FUBP3: variants seen among roughly 807,000 people sequenced by gnomAD.
FUBP3 encodes the protein far upstream element binding protein 3.
Under a neutral mutation model 85.6 loss-of-function variants are expected in FUBP3, and 28 were observed. That is an observed-to-expected ratio of 0.33 (90% CI 0.24 to 0.45). FUBP3 has a LOEUF of 0.45. Among genes scored for constraint, FUBP3 ranks in the 20% least tolerant of loss-of-function variants. FUBP3 has a pLI of 1.00. For synonymous variants in FUBP3, 271 were observed against 271.4 expected, an observed-to-expected ratio of 1.00 and a Z score of 0.01; for missense variants, 583 against 755.1, an observed-to-expected ratio of 0.77 and a Z score of 2.67.
chr9:130,634,776 C>T lies in FUBP3; in HGVS notation c.1582+38C>T, dbSNP rs761138833. 1.3e-5 allele frequency: 19 copies of T among 1,496,584 alleles called. No homozygotes were observed. In the South Asian group the frequency reaches 1.8e-4, roughly 15 times the overall value. The allele number at this position is 1,496,584 out of a possible 1,614,324, so 92.7% of individuals were successfully genotyped here. A position where few individuals can be genotyped will look rare whatever the true frequency, so the allele number is the denominator to read the frequency against. ...CCCTCCTAACCTGTGGCAGCACAGTCCCCTCCAGCCCAGAGACTTCAGAGT... is the reference window on the plus strand; with the variant it reads ...CCCTCCTAACCTGTGGCAGCACAGTTCCCTCCAGCCCAGAGACTTCAGAGT... On this transcript the variant is annotated intron_variant, in intron 17 of 18. Transcript: ENST00000319725.
At chr9:130,588,187 A>C (rs1212707342) in intron 1 of FUBP3, among the ~76,000 whole-genome samples, 1 of 152,212 alleles carries the variant, frequency 6.6e-6, no homozygotes, top group South Asian at 2.1e-4. Context: ...TAAGAGACAA[A>C]CTTGAGCTTC....
chr9:130,627,209 G>A (rs1351106839), intron 12 of FUBP3, among the ~76,000 whole-genome samples: 4 of 152,170 alleles, frequency 2.6e-5, no homozygotes, highest in African/African-American at 9.7e-5. Flanking sequence ...ACTGAGACCA[G>A]GGCCGAGGCT....
At chr9:130,579,977 G>T (rs970919393) in intron 1 of FUBP3, among the ~76,000 whole-genome samples, 2 of 152,242 alleles carry the variant, frequency 1.3e-5, no homozygotes, top group Non-Finnish European at 2.9e-5. Flanking sequence ...GGTCTCCCAG[G>T]TGCCTGAAGT....
At chr9:130,579,920 G>A (rs753707356) in intron 1 of FUBP3, among the ~76,000 whole-genome samples, 156 bp downstream of exon 1, 1 of 152,188 alleles carries the variant, frequency 6.6e-6, no homozygotes, top group African/African-American at 2.4e-5. Context: ...GGGAGGAGCC[G>A]GGGGGATAAG....
At chr9:130,625,352 A>G (rs1328768364) in intron 11 of FUBP3, among the ~76,000 whole-genome samples, 1 of 152,252 alleles carries the variant, frequency 6.6e-6, no homozygotes, top group African/African-American at 2.4e-5. Flanking sequence ...TGCCTTGTTT[A>G]CTTGGCAGTT....
At chr9:130,614,787 CT>C in intron 6 of FUBP3, among the ~76,000 whole-genome samples, 1 of 152,214 alleles carries the variant, frequency 6.6e-6, no homozygotes, top group East Asian at 1.9e-4. Context: ...TGAATCAACT[CT>C]TCGTGACTTT....
At chr9:130,606,568 C>T (rs573543338) in intron 2 of FUBP3, among the ~76,000 whole-genome samples, 5 of 152,162 alleles carry the variant, frequency 3.3e-5, no homozygotes, top group Non-Finnish European at 5.9e-5. Context: ...CGCCTGTAAT[C>T]CCAGCACTTT....
At chr9:130,628,993 T>C (rs1170637458) in intron 12 of FUBP3, among the ~76,000 whole-genome samples, 2 of 152,168 alleles carry the variant, frequency 1.3e-5, no homozygotes, top group Admixed American at 6.5e-5. Flanking sequence ...GGTCTCGAAC[T>C]CCCAACCTCA....
Position 130,626,524 on chromosome 9 carries a change from T to G in FUBP3, c.1117+19T>G. The G allele has an allele frequency of 6.2e-7, 1 of 1,612,238 alleles. No individual in the cohort carries two copies. Among genetic ancestry groups the G allele is most frequent in the South Asian group, 1.1e-5 (1 of 91,004 alleles). The stretch of plus-strand genomic sequence containing the variant: ...GGCAAAGGTAAGAGGCAGCTGGGGT[T>G]TCACATCCCCCCTCAGCTGTTTGGC... On this transcript the variant is annotated intron_variant, in intron 12 of 18. Transcript: ENST00000319725.
At position 130,612,473 on chromosome 9, in the gene FUBP3, A is replaced by C. The variant is rs781059302; in HGVS notation, c.242A>C (p.Glu81Ala). Residue 81 changes from glutamate to alanine, a missense_variant, in exon 4 of 19, where the codon GAA (glutamate) becomes GCA (alanine). Glu to Ala is a moderately radical substitution (Grantham distance 107, BLOSUM62 -1). Transcript: ENST00000319725. This position sits in a 1 kb window ranked among gnomAD's most constrained non-coding sequence, Gnocchi z 4.1. ...GTTTTTAGGACGGTAATAACGGAAG[A>C]ATTCAAAGTGCCTGACAAAATGGTT... is the stretch of plus-strand genomic sequence containing the variant. ...LVHQRTVITE[E>A]FKVPDKMVGF... The C allele has an allele frequency of 1.9e-6, 3 of 1,598,030 alleles. No individual in the cohort carries two copies. The South Asian group carries it at 3.3e-5, about 18-fold the overall frequency.
intron 1 of FUBP3, among the ~76,000 whole-genome samples, chr9:130,588,183 A>G (rs1452840599): frequency 6.6e-6 from 1 of 152,176 alleles, no homozygotes; most frequent in Non-Finnish European, 1.5e-5. Flanking sequence ...TTATTAAGAG[A>G]CAAACTTGAG....
intron 1 of FUBP3, among the ~76,000 whole-genome samples, chr9:130,580,465 C>T (rs1830088305): frequency 6.6e-6 from 1 of 152,186 alleles, no homozygotes. Context: ...GCCAAAAATA[C>T]TTACTGGCTT....
Position 130,612,584 on chromosome 9 carries a change from G to C in FUBP3, c.274+79G>C, listed in dbSNP as rs1005258934. ...TCTTTTTTTCTGAGCTGCTTTGCCA[G>C]GATGTTCTTTTTGTTTTAATCTCTC... On this transcript the variant is annotated intron_variant, in intron 4 of 18. Coordinates refer to ENST00000319725, the MANE Select transcript of FUBP3 (RefSeq NM_003934.2). This position sits in a 1 kb window ranked among gnomAD's most constrained non-coding sequence, Gnocchi z 4.1. 6 of 924,124 alleles carry C rather than the reference G, an allele frequency of 6.5e-6. No individual in the cohort carries two copies. The Admixed American group carries it at 1.2e-4, about 18-fold the overall frequency. 57.2% of individuals were successfully genotyped at this position (924,124 alleles called of 1,614,324 possible).
chr9:130,629,013 C>T (rs1425738810), intron 12 of FUBP3, among the ~76,000 whole-genome samples: 2 of 152,232 alleles, frequency 1.3e-5, no homozygotes, highest in Non-Finnish European at 2.9e-5. Flanking sequence ...AGGTGATCCA[C>T]TCGCCTTGGC....
intron 1 of FUBP3, among the ~76,000 whole-genome samples, chr9:130,582,723 G>A (rs1027233806): frequency 6.6e-6 from 1 of 152,168 alleles, no homozygotes; most frequent in African/African-American, 2.4e-5. Context: ...TCTGGTTTAT[G>A]TTGTTCCATT....
At chr9:130,633,973 C>T (rs1231692546) in intron 16 of FUBP3, among the ~76,000 whole-genome samples, 8 of 152,130 alleles carry the variant, frequency 5.3e-5, no homozygotes, top group African/African-American at 9.7e-5. Context: ...GAGCCAGCCC[C>T]GGCCTGGGCA....
rs73547989 is a variant in FUBP3 at position 130,597,239 on chromosome 9, T to C, written c.190+1651T>C. Among the ~76,000 whole-genome samples, 392 of 151,584 alleles carry C rather than the reference T, an allele frequency of 2.6e-3. 2 individuals are homozygous for C. The highest frequency in any genetic ancestry group is 9.2e-3 in the African/African-American group (378 of 41,128). On this transcript the variant is annotated intron_variant, in intron 2 of 18. Coordinates refer to ENST00000319725, the MANE Select transcript of FUBP3 (RefSeq NM_003934.2). ...GTTGCAAATGACTGGATCTCATTCT[T>C]TTTTATGGCTGAGTTGAAGTGTTTT...
At chr9:130,636,715 C>G (rs1189254178) in intron 18 of FUBP3, among the ~76,000 whole-genome samples, 1 of 152,230 alleles carries the variant, frequency 6.6e-6, no homozygotes, top group Non-Finnish European at 1.5e-5. Flanking sequence ...TCATGGATAA[C>G]ATTTCAGTTA....
intron 1 of FUBP3, among the ~76,000 whole-genome samples, chr9:130,593,069 A>G (rs1482571841): frequency 6.6e-6 from 1 of 152,144 alleles, no homozygotes; most frequent in Non-Finnish European, 1.5e-5. Context: ...GGGTCTTTGT[A>G]CAAGTTCCTC....
Sources: allele counts gnomAD v4.1 joint callset (sites outside exome capture counted in the v4.1 genomes callset), GRCh38; gene constraint gnomAD v4.1.1; non-coding constraint Gnocchi (gnomAD v3.1); transcripts MANE v1.5; gene names NCBI Gene and HGNC (gene_info 2026-07-23, HGNC 2026-07-21).